TXLNB: variants seen among roughly 807,000 people sequenced by gnomAD.
TXLNB encodes beta-taxilin.
A neutral mutation model predicts 57.4 loss-of-function variants in TXLNB; 37 were observed. The observed-to-expected ratio is 0.64, with a 90% CI of 0.50 to 0.85. The LOEUF is 0.85. Among genes scored for constraint, TXLNB ranks in the 40% least tolerant of loss-of-function variants. The probability of loss-of-function intolerance (pLI) is 0.00; values close to 1 mark genes in which losing one functional copy is unlikely to be tolerated. For missense variants in TXLNB, 848 were observed against 825.6 expected (o/e 1.03, Z -0.33); for synonymous variants, 302 against 309.6 (o/e 0.98, Z 0.26).
intron 4 of TXLNB, among the ~76,000 whole-genome samples, chr6:139,265,708 G>A (rs1219334329): frequency 6.6e-6 from 1 of 152,204 alleles, no homozygotes; most frequent in Non-Finnish European, 1.5e-5. Flanking sequence ...TGACACTAGA[G>A]AGTAAACAAA....
At chr6:139,261,170 C>T (rs1176604642) in intron 5 of TXLNB, among the ~76,000 whole-genome samples, 1 of 152,170 alleles carries the variant, frequency 6.6e-6, no homozygotes, top group Non-Finnish European at 1.5e-5. Context: ...GAATTCTCCC[C>T]TTGGGCTTTA....
rs188189291 is a variant in TXLNB at position 139,243,453 on chromosome 6, T to C, written c.1267-139A>G. 241 of 831,422 alleles carry C rather than the reference T, an allele frequency of 2.9e-4. No individual in the cohort carries two copies. In the African/African-American group the frequency reaches 3.5e-3, roughly 12 times the overall value. 51.5% of individuals were successfully genotyped at this position (831,422 alleles called of 1,614,324 possible). A position where few individuals can be genotyped will look rare whatever the true frequency, so the allele number is the denominator to read the frequency against. On this transcript the variant is annotated intron_variant, in intron 9 of 9. Coordinates refer to ENST00000358430, the MANE Select transcript of TXLNB (RefSeq NM_153235.4). The stretch of plus-strand genomic sequence containing the variant: ...TAGGCTCTGGGACCTGGCTACAGAG[T>C]AGGGGCTGAACAGATGCTTGGTCAT...
At chr6:139,210,204 A>G in the TXLNB span, among the ~76,000 whole-genome samples, 1 of 152,154 alleles carries the variant, frequency 6.6e-6, no homozygotes, top group African/African-American at 2.4e-5. Context: ...AAAAATTTAA[A>G]AAAAAACAGA....
At chr6:139,279,853 T>C (rs938310432) in intron 2 of TXLNB, among the ~76,000 whole-genome samples, 1 of 152,188 alleles carries the variant, frequency 6.6e-6, no homozygotes, top group Non-Finnish European at 1.5e-5. Flanking sequence ...CACTGCGAAA[T>C]GCTCAGCGTG....
the TXLNB span, chr6:139,169,533 C>T: frequency 2.0e-5 from 3 of 152,226 alleles, no homozygotes; most frequent in African/African-American, 4.8e-5. Context: ...TTGTACCTAA[C>T]TCCCTTTATC....
Position 139,270,636 on chromosome 6 carries a change from T to A in TXLNB, c.517-10A>T. On this transcript the variant is annotated splice_polypyrimidine_tract_variant and intron_variant, in intron 3 of 9. Coordinates refer to ENST00000358430, the MANE Select transcript of TXLNB (RefSeq NM_153235.4). ...TACGATGTTCATCCAGCTGTACACA[T>A]GGAGATACAAACATGAAAGAAAATG... The A allele has an allele frequency of 6.2e-7, 1 of 1,612,846 alleles. No homozygotes were observed. Among genetic ancestry groups the A allele is most frequent in the African/African-American group, 1.3e-5 (1 of 74,906 alleles).
the TXLNB span, chr6:139,167,413 C>G: frequency 8.8e-7 from 1 of 1,133,556 alleles, no homozygotes; most frequent in East Asian, 2.4e-5. Flanking sequence ...GTGTAGTTTT[C>G]ACCAGTGTTG....
the TXLNB span, among the ~76,000 whole-genome samples, chr6:139,196,379 T>G: frequency 2.0e-4 from 28 of 140,988 alleles, no homozygotes; most frequent in Admixed American, 1.0e-3. Context: ...TTTTTTTTTT[T>G]TTTTTTTTTT....
the TXLNB span, among the ~76,000 whole-genome samples, chr6:139,207,246 T>C: frequency 6.6e-6 from 1 of 152,202 alleles, no homozygotes; most frequent in Non-Finnish European, 1.5e-5. Context: ...AAACAAGTCT[T>C]AATACATTTA....
chr6:139,222,445 C>G, the TXLNB span, among the ~76,000 whole-genome samples: 15 of 152,184 alleles, frequency 9.9e-5, no homozygotes, highest in African/African-American at 3.6e-4. Flanking sequence ...ATAAAGATAT[C>G]GCTAGTATAA....
chr6:139,177,639 G>T, the TXLNB span: 1 of 152,640 alleles, frequency 6.6e-6, no homozygotes, highest in African/African-American at 2.4e-5. The surrounding 1 kb of genome is among the most constrained non-coding windows in gnomAD (Gnocchi z 4.9). Flanking sequence ...CCTGAAAGTG[G>T]CACAAGTGCT....
chr6:139,187,542 A>T, the TXLNB span, among the ~76,000 whole-genome samples: 1 of 151,738 alleles, frequency 6.6e-6, no homozygotes, highest in East Asian at 1.9e-4. Context: ...ATTATATTTC[A>T]TTGGTTTGTG....
the TXLNB span, among the ~76,000 whole-genome samples, chr6:139,217,059 G>C: frequency 6.6e-6 from 1 of 152,166 alleles, no homozygotes; most frequent in Non-Finnish European, 1.5e-5. Context: ...AAGCTACAAT[G>C]CCTATCCTTA....
chr6:139,321,694 C>A, the TXLNB span, among the ~76,000 whole-genome samples: 1 of 131,082 alleles, frequency 7.6e-6, no homozygotes, highest in Admixed American at 8.2e-5. Flanking sequence ...TGCAGTGGCA[C>A]AATCTTGGCC....
At chr6:139,312,220 T>C in the TXLNB span, among the ~76,000 whole-genome samples, 2 of 152,202 alleles carry the variant, frequency 1.3e-5, no homozygotes, top group Non-Finnish European at 2.9e-5. Context: ...TAGGCTTTCC[T>C]GTGAAGGAGA....
chr6:139,310,757 C>T, the TXLNB span, among the ~76,000 whole-genome samples: 11 of 152,124 alleles, frequency 7.2e-5, no homozygotes, highest in Admixed American at 1.3e-4. Context: ...TGCAGTGATA[C>T]GATCCCAGCA....
chr6:139,317,044 G>C, the TXLNB span, among the ~76,000 whole-genome samples: 1 of 152,160 alleles, frequency 6.6e-6, no homozygotes, highest in Admixed American at 6.5e-5. Flanking sequence ...TCCAGTGTGA[G>C]AATATAAGCG....
intron 4 of TXLNB, among the ~76,000 whole-genome samples, chr6:139,269,582 C>T (rs1427492101): frequency 6.6e-6 from 1 of 152,216 alleles, no homozygotes; most frequent in Non-Finnish European, 1.5e-5. Context: ...TGATTCTCTT[C>T]TATTTTTCTT....
chr6:139,177,174 A>G, the TXLNB span: 2 of 687,260 alleles, frequency 2.9e-6, no homozygotes, highest in Non-Finnish European at 5.0e-6. This position sits in a 1 kb window ranked among gnomAD's most constrained non-coding sequence, Gnocchi z 4.9. Context: ...TTTATAGGGA[A>G]ACATTCTGTG....
Sources: allele counts gnomAD v4.1 joint callset (sites outside exome capture counted in the v4.1 genomes callset), GRCh38; gene constraint gnomAD v4.1.1; non-coding constraint Gnocchi (gnomAD v3.1); transcripts MANE v1.5; gene names NCBI Gene and HGNC (gene_info 2026-07-23, HGNC 2026-07-21).